The following HMCN2 variants were observed in gnomAD, a reference collection of about 807,000 sequenced individuals.
The protein encoded by HMCN2 is hemicentin-2.
In HMCN2, 325 loss-of-function variants were observed where a neutral mutation model predicts 377.5. The ratio of observed to expected loss-of-function variants is 0.86; its 90% confidence interval spans 0.79 to 0.94. HMCN2 has a LOEUF of 0.94. Among genes scored for constraint, HMCN2 ranks in the 40% least tolerant of loss-of-function variants. HMCN2 has a pLI of 0.00. For synonymous variants in HMCN2, 2,007 were observed against 2,046.8 expected, an observed-to-expected ratio of 0.98 and a Z score of 0.53; for missense variants, 4,543 against 4,725.3, an observed-to-expected ratio of 0.96 and a Z score of 1.13.
chr9:130,415,799 C>T (rs539366410), intron 85 of HMCN2, among the ~76,000 whole-genome samples: 7 of 152,188 alleles, frequency 4.6e-5, no homozygotes, highest in Non-Finnish European at 7.3e-5. Context: ...AGGTTCTCGC[C>T]GTTCAGTTGC....
At chr9:130,366,028 A>T in intron 43 of HMCN2, 33 bp downstream of exon 43, 1 of 985,794 alleles carries the variant, frequency 1.0e-6, no homozygotes, top group Non-Finnish European at 1.2e-6. Context: ...GCCCCACCTC[A>T]TTGCCAGGCA....
intron 86 of HMCN2, chr9:130,419,398 C>T (rs1296940807): frequency 1.6e-5 from 3 of 186,188 alleles, no homozygotes; most frequent in Non-Finnish European, 3.3e-5. Context: ...TGCATCAGTG[C>T]ATGTCCCAGG....
intron 4 of HMCN2, among the ~76,000 whole-genome samples, chr9:130,289,130 CCT>C: frequency 6.6e-6 from 1 of 152,258 alleles, no homozygotes; most frequent in East Asian, 1.9e-4. Flanking sequence ...TGGGAAAGCC[CCT>C]CTGTCTTTTT....
At chr9:130,324,193 C>T (rs1258212375) in intron 19 of HMCN2, among the ~76,000 whole-genome samples, 1 of 152,192 alleles carries the variant, frequency 6.6e-6, no homozygotes, top group Admixed American at 6.5e-5. Flanking sequence ...TCCCCTCAGC[C>T]CCCTGGGAGC....
intron 25 of HMCN2, 147 bp downstream of exon 25, chr9:130,342,583 A>T (rs1231582278): frequency 6.6e-6 from 1 of 152,114 alleles, no homozygotes; most frequent in Non-Finnish European, 1.5e-5. Context: ...GGTTCATCCC[A>T]TTGTCAACCC....
rs1384617808 is a variant in HMCN2, at chr9:130,335,622, G to A, written c.3360-2272G>A. Among the ~76,000 whole-genome samples the A allele has an allele frequency of 1.7e-4, 26 of 152,190 alleles. No homozygotes were observed. In the East Asian group the frequency reaches 5.0e-3, roughly 29 times the overall value. On this transcript the variant is annotated intron_variant, in intron 22 of 97. Coordinates refer to ENST00000683500, the MANE Select transcript of HMCN2 (RefSeq NM_001291815.2). ...TCTCGGTATTGAAAGATGAGCAGGT[G>A]TTATCCATATACTATGTCCTGGGCA... is the stretch of plus-strand genomic sequence containing the variant.
rs1770477734 is a variant in HMCN2, at chr9:130,404,906, C to T, written c.12186C>T (p.Ser4062=). 4 of 1,284,952 alleles carry T rather than the reference C, an allele frequency of 3.1e-6. No individual in the cohort carries two copies. The highest frequency in any genetic ancestry group is 4.1e-6 in the Non-Finnish European group (4 of 986,396). The allele number at this position is 1,284,952 out of a possible 1,614,324, so 79.6% of individuals were successfully genotyped here. Residue 4062 remains serine (S), a synonymous_variant, in exon 81 of 98, where the codon TCC becomes TCT. Transcript: ENST00000683500. ...TCGAGAATGGCCTCCCAGACCTGTC[C>T]ACCACCGAAGGCTCCCACGCCTTCT... The part of the protein sequence containing the change: ...PVIENGLPDL[S]TTEGSHAFLP...
At chr9:130,275,494 G>C (rs963844898) in intron 1 of HMCN2, among the ~76,000 whole-genome samples, 1 of 152,138 alleles carries the variant, frequency 6.6e-6, no homozygotes, top group Non-Finnish European at 1.5e-5. Flanking sequence ...CTGTCACCTA[G>C]GCTGGAGTGC....
chr9:130,351,136 G>A lies in HMCN2; in HGVS notation c.4431-287G>A, dbSNP rs888005048. Among the ~76,000 whole-genome samples the A allele has an allele frequency of 6.6e-6, 1 of 152,110 alleles. No individual in the cohort carries two copies. The highest frequency in any genetic ancestry group is 2.4e-5 in the African/African-American group (1 of 41,422). ...CATCACTGGCATCATAGAGTGTGTG[G>A]CCTTTTGTGTCTGGCTTCTTCCACT... On this transcript the variant is annotated intron_variant, in intron 29 of 97. Coordinates refer to ENST00000683500, the MANE Select transcript of HMCN2 (RefSeq NM_001291815.2). The surrounding 1 kb of genome is among the most constrained non-coding windows in gnomAD (Gnocchi z 5.4).
At chr9:130,291,543 A>G (rs1835767291) in intron 4 of HMCN2, among the ~76,000 whole-genome samples, 1 of 152,234 alleles carries the variant, frequency 6.6e-6, no homozygotes, top group Admixed American at 6.5e-5. Flanking sequence ...CTTTACTTTA[A>G]TAAAAAATTA....
intron 18 of HMCN2, among the ~76,000 whole-genome samples, chr9:130,321,432 A>T (rs919560314): frequency 0.11 from 15,980 of 152,112 alleles, 1,341 homozygotes; most frequent in East Asian, 0.47. Flanking sequence ...TCTCAGACAC[A>T]CCAGGTCCCT....
rs1003907937 is a variant in HMCN2 at position 130,434,042 on chromosome 9, G to A, written c.*349G>A. The A allele has an allele frequency of 4.1e-6, 1 of 245,616 alleles. No individual in the cohort carries two copies. Among genetic ancestry groups the A allele is most frequent in the East Asian group, 7.7e-5 (1 of 12,910 alleles). The allele number at this position is 245,616 out of a possible 1,614,324, so 15.2% of individuals were successfully genotyped here. A position where few individuals can be genotyped will look rare whatever the true frequency, so the allele number is the denominator to read the frequency against. On this transcript the variant is annotated 3_prime_UTR_variant, in exon 98 of 98. Transcript: ENST00000683500. ...AGAGGGGGCAGACCCCGCGTTAGGG[G>A]TGGCAGCAGCTGTCGCCCGGCCACA...
rs1844316020 is a variant in HMCN2, at chr9:130,425,849, G to T, written c.13804G>T (p.Ala4602Ser). The change falls in exon 90 of 98, where the codon GCC (alanine) becomes TCC (serine). Residue 4602 changes from alanine (A) to serine (S), a missense_variant. Physicochemically the swap from Ala to Ser is moderately conservative, Grantham distance 99 (BLOSUM62 1). Coordinates refer to ENST00000683500, the MANE Select transcript of HMCN2 (RefSeq NM_001291815.2). ...GCCCCAGCTGGTGCAGCACCTGCGG[G>T]CCTCAGCTATCAGCTCGGCCTTTGA... ...PQPQLVQHLR[A>S]SAISSAFDPE... The T allele has an allele frequency of 6.4e-7, 1 of 1,550,454 alleles. No homozygotes were observed. The highest frequency in any genetic ancestry group is 2.4e-5 in the East Asian group (1 of 40,888).
chr9:130,425,615 C>T (rs1588443319), intron 89 of HMCN2, 72 bp from the exon 90 acceptor site: 1 of 1,059,696 alleles, frequency 9.4e-7, no homozygotes, highest in East Asian at 2.7e-5. Context: ...TTTTCCTCCT[C>T]CCCTTCCAAC....
intron 1 of HMCN2, among the ~76,000 whole-genome samples, chr9:130,278,579 C>A (rs1175855942): frequency 6.6e-6 from 1 of 151,726 alleles, no homozygotes; most frequent in South Asian, 2.1e-4. Flanking sequence ...ATTTTCTTTT[C>A]TTTTCTTTTT....
rs754415274 is a variant in HMCN2 at position 130,376,541 on chromosome 9, C to A, written c.7944C>A (p.Asp2648Glu). 6.0e-5 allele frequency: 59 copies of A among 985,744 alleles called. No homozygotes were observed. Among genetic ancestry groups the A allele is most frequent in the Non-Finnish European group, 7.0e-5 (58 of 829,980 alleles). The allele number at this position is 985,744 out of a possible 1,614,324, so 61.1% of individuals were successfully genotyped here. The change falls in exon 52 of 98, where the codon GAC becomes GAA. Residue 2648 changes from aspartate (D) to glutamate (E), a missense_variant. Physicochemically the swap from Asp to Glu is conservative, Grantham distance 45. This residue lies in a region of HMCN2 where 736 missense variants were observed against 773.2 expected (regional missense o/e 0.95). Transcript: ENST00000683500. The stretch of plus-strand genomic sequence containing the variant: ...TCCCCCCTTCCATCTCCAAAGACGA[C>A]CCCTTGGCGGAGGTCGGCGTGAAGG... ...VLIPPSISKD[D>E]PLAEVGVKEV...
intron 15 of HMCN2, among the ~76,000 whole-genome samples, chr9:130,310,839 TCTCAGTTTCC>T (rs1837209967): frequency 6.6e-6 from 1 of 152,194 alleles, no homozygotes; most frequent in African/African-American, 2.4e-5. Flanking sequence ...CCTCAGTTTC[TCTCAGTTTCC>T]CATGTGTAAA....
At position 130,408,942 on chromosome 9, in the gene HMCN2, G is replaced by A. The variant is rs77571858; in HGVS notation, c.12879+9G>A. The A allele has an allele frequency of 1.6e-6, 2 of 1,286,640 alleles. No individual in the cohort carries two copies. Among genetic ancestry groups the A allele is most frequent in the Non-Finnish European group, 2.0e-6 (2 of 987,186 alleles). The allele number at this position is 1,286,640 out of a possible 1,614,324, so 79.7% of individuals were successfully genotyped here. ...CCATCCGCAGGACTGAGGCAAGGCG[G>A]GGCCTGGCACCTTGGGTGGGGCCAC... On this transcript the variant is annotated intron_variant, in intron 84 of 97. Transcript: ENST00000683500.
intron 1 of HMCN2, among the ~76,000 whole-genome samples, chr9:130,273,790 G>A (rs984533563): frequency 2.0e-5 from 3 of 152,138 alleles, no homozygotes; most frequent in African/African-American, 4.8e-5. Flanking sequence ...GCGCCTCCGC[G>A]CCCGGCCATC....
Sources: gnomAD v4.1 joint callset for allele counts (sites outside exome capture counted in the v4.1 genomes callset) on GRCh38, gnomAD v4.1.1 for gene constraint, gnomAD v4.1.1 regional missense constraint, Gnocchi (gnomAD v3.1) non-coding constraint, MANE v1.5 for transcripts, NCBI Gene and HGNC (gene_info 2026-07-23, HGNC 2026-07-21) for gene names.